Variants in SENP6 observed in about 807,000 individuals in gnomAD.
The protein encoded by SENP6 is sentrin-specific protease 6.
In SENP6, 41 loss-of-function variants were observed where a neutral mutation model predicts 134.5. The observed-to-expected ratio is 0.30, with a 90% CI of 0.24 to 0.40. SENP6 has a LOEUF of 0.40. Ranked by LOEUF, SENP6 falls within the 10% of genes least tolerant of loss-of-function variation. SENP6 has a pLI of 1.00. For missense variants in SENP6, 1,248 were observed against 1,312.5 expected, an observed-to-expected ratio of 0.95 and a Z score of 0.76; for synonymous variants, 395 against 429.8, an observed-to-expected ratio of 0.92 and a Z score of 1.00.
intron 1 of SENP6, among the ~76,000 whole-genome samples, chr6:75,617,706 C>T (rs536093178): frequency 3.5e-4 from 53 of 152,336 alleles, no homozygotes; most frequent in Non-Finnish European, 7.2e-4. Flanking sequence ...ATTACCTGAA[C>T]TACAAACTTT....
At chr6:75,635,830 T>C (rs976432779) in intron 5 of SENP6, among the ~76,000 whole-genome samples, 1 of 152,140 alleles carries the variant, frequency 6.6e-6, no homozygotes, top group Non-Finnish European at 1.5e-5. Flanking sequence ...CACATTCTTA[T>C]GCCCTGATCA....
chr6:75,623,491 TTC>T (rs1298268426), intron 2 of SENP6, among the ~76,000 whole-genome samples: 2 of 152,214 alleles, frequency 1.3e-5, no homozygotes, highest in East Asian at 3.8e-4. Context: ...TTTCTTTCCT[TTC>T]AGTTCATTTC....
At position 75,678,805 on chromosome 6, in the gene SENP6, T is replaced by G; in HGVS notation, c.1959-6T>G. The G allele has an allele frequency of 6.5e-7, 1 of 1,548,396 alleles. No homozygotes were observed. Among genetic ancestry groups the G allele is most frequent in the Non-Finnish European group, 8.9e-7 (1 of 1,122,616 alleles). ...TTTATTTGCTTGCCTTCTAATTTTG[T>G]TACAGGTTGATAGTATATCCACCAC... On this transcript the variant is annotated splice_region_variant and splice_polypyrimidine_tract_variant and intron_variant, in intron 15 of 23. Coordinates refer to ENST00000447266, the MANE Select transcript of SENP6 (RefSeq NM_015571.4).
At chr6:75,695,662 A>G (rs544630390) in intron 16 of SENP6, 142 bp from the exon 17 acceptor site, 18 of 479,360 alleles carry the variant, frequency 3.8e-5, no homozygotes, top group African/African-American at 6.1e-5. Flanking sequence ...ACTTGAACCC[A>G]GGAGGTGGAG....
intron 2 of SENP6, 84 bp downstream of exon 2, chr6:75,621,709 T>C: frequency 1.2e-6 from 1 of 805,690 alleles, no homozygotes; most frequent in Non-Finnish European, 2.0e-6. Flanking sequence ...GGAAATATTT[T>C]TAGGAGTATG....
chr6:75,620,704 A>G (rs1768205251), intron 1 of SENP6: 1 of 152,270 alleles, frequency 6.6e-6, no homozygotes, highest in Admixed American at 6.5e-5. Context: ...GCCAGAGCCA[A>G]GCTTAAGACA....
chr6:75,621,495 A>G (rs934266510), intron 1 of SENP6, 37 bp from the exon 2 acceptor site: 1 of 1,200,202 alleles, frequency 8.3e-7, no homozygotes, highest in South Asian at 1.3e-5. Context: ...GAATAGCTCT[A>G]TTAATGAATA....
At chr6:75,668,316 T>C (rs920011713) in intron 10 of SENP6, among the ~76,000 whole-genome samples, 3 of 152,028 alleles carry the variant, frequency 2.0e-5, no homozygotes, top group Admixed American at 6.6e-5. Flanking sequence ...TTTGATTAAA[T>C]GAAAAGTAGA....
Position 75,617,263 on chromosome 6 carries a change from C to CTTTTTTTTT in SENP6, c.53-4250_53-4242dup, listed in dbSNP as rs71002751. ...GATGGTTTGGAGAATTTCTTTCTTT[C>CTTTTTTTTT]TTTTTTTTTTTTTTTTTTTTTTTTT... On this transcript the variant is annotated intron_variant, in intron 1 of 23. Coordinates refer to ENST00000447266, the MANE Select transcript of SENP6 (RefSeq NM_015571.4). Among the ~76,000 whole-genome samples, 409 of 58,136 alleles carry CTTTTTTTTT rather than the reference C, an allele frequency of 7.0e-3. 15 individuals are homozygous for CTTTTTTTTT. The highest frequency in any genetic ancestry group is 0.011 in the Non-Finnish European group (346 of 32,414). 38.1% of individuals were successfully genotyped at this position (58,136 alleles called of 152,430 possible).
At chr6:75,676,352 A>C (rs1029286571) in intron 13 of SENP6, among the ~76,000 whole-genome samples, 1 of 152,114 alleles carries the variant, frequency 6.6e-6, no homozygotes, top group African/African-American at 2.4e-5. Context: ...GTAAAATAAA[A>C]TTTTTTAACT....
intron 3 of SENP6, among the ~76,000 whole-genome samples, chr6:75,632,986 T>A (rs980706159): frequency 3.9e-5 from 6 of 152,322 alleles, no homozygotes; most frequent in African/African-American, 1.4e-4. Context: ...TTCTGGGAAC[T>A]GAAATTGTGT....
intron 11 of SENP6, among the ~76,000 whole-genome samples, chr6:75,672,878 A>G (rs1472487718): frequency 1.3e-5 from 2 of 152,006 alleles, no homozygotes; most frequent in Non-Finnish European, 2.9e-5. Flanking sequence ...CCCAGGCTGG[A>G]GTGCAGTGGC....
chr6:75,673,386 C>T (rs1772837250), intron 11 of SENP6, among the ~76,000 whole-genome samples: 1 of 146,514 alleles, frequency 6.8e-6, no homozygotes, highest in Non-Finnish European at 1.5e-5. Flanking sequence ...TGCAGTGGCG[C>T]AATCTTGGCT....
At chr6:75,635,154 T>C (rs1001284086) in intron 5 of SENP6, 5 of 342,924 alleles carry the variant, frequency 1.5e-5, no homozygotes, top group Non-Finnish European at 2.3e-5. Context: ...AAATTACAGT[T>C]AATACCGTAC....
At chr6:75,639,073 T>C (rs1769827224) in intron 5 of SENP6, among the ~76,000 whole-genome samples, 1 of 151,942 alleles carries the variant, frequency 6.6e-6, no homozygotes, top group Non-Finnish European at 1.5e-5. Context: ...AACAAGAGAG[T>C]ACTAAACTGT....
rs1259824834 is a variant in SENP6, at chr6:75,602,507, C to T, written c.-18C>T. On this transcript the variant is annotated 5_prime_UTR_variant, in exon 1 of 24. Transcript: ENST00000447266. ...TGTGGGCCATGGATTAAGAAGGAGG[C>T]GGCGTGGGAGGAGGAAGATGGCGGC... The T allele has an allele frequency of 1.3e-6, 2 of 1,550,974 alleles. No homozygotes were observed. Among genetic ancestry groups the T allele is most frequent in the South Asian group, 2.4e-5 (2 of 84,050 alleles).
intron 16 of SENP6, among the ~76,000 whole-genome samples, chr6:75,691,705 C>T (rs1774285010): frequency 6.6e-6 from 1 of 152,054 alleles, no homozygotes; most frequent in African/African-American, 2.4e-5. Flanking sequence ...AGGCATTCTC[C>T]TGCCTCAGCC....
chr6:75,613,389 C>T (rs375379427), intron 1 of SENP6, among the ~76,000 whole-genome samples: 3 of 152,074 alleles, frequency 2.0e-5, no homozygotes, highest in African/African-American at 4.8e-5. Flanking sequence ...ACTGTATGGA[C>T]TACACAGTGT....
At chr6:75,607,830 A>G (rs1331458462) in intron 1 of SENP6, among the ~76,000 whole-genome samples, 3 of 152,202 alleles carry the variant, frequency 2.0e-5, no homozygotes, top group Admixed American at 1.3e-4. Context: ...TATGTTATAT[A>G]TAAACTCATT....
Sources: allele counts gnomAD v4.1 joint callset (sites outside exome capture counted in the v4.1 genomes callset), GRCh38; gene constraint gnomAD v4.1.1; transcripts MANE v1.5; gene names NCBI Gene and HGNC (gene_info 2026-07-23, HGNC 2026-07-21).